Variants in TAF1 observed in about 807,000 individuals in gnomAD.
The protein encoded by TAF1 is TATA-box binding protein associated factor 1.
Under a neutral mutation model 138.5 loss-of-function variants are expected in TAF1, and 2 were observed. The observed-to-expected ratio is 0.01, with a 90% CI of 0.01 to 0.05. The LOEUF is 0.05. TAF1 is among the 10% of genes least tolerant of loss of function. TAF1 has a pLI of 1.00. For missense variants in TAF1, 709 were observed against 1,478.0 expected (o/e 0.48, Z 8.53); for synonymous variants, 437 against 503.2 (o/e 0.87, Z 1.76).
chrX:71,522,935 A>C (rs946937234), intron 13 of TAF1, among the ~76,000 whole-genome samples: 2 of 108,278 alleles, frequency 1.8e-5, no homozygotes, highest in African/African-American at 6.7e-5. Context: ...TAATCCCAGC[A>C]CTTTGGGAGG....
At chrX:71,441,512 C>G (rs1459747850) in intron 32 of TAF1, among the ~76,000 whole-genome samples, 2 of 111,031 alleles carry the variant, frequency 1.8e-5, no homozygotes. Context: ...GTTATCAGAT[C>G]AGGGTAATTA....
intron 24 of TAF1, 130 bp downstream of exon 24, chrX:71,398,867 G>T: frequency 1.1e-6 from 1 of 944,709 alleles, no homozygotes; most frequent in Non-Finnish European, 1.4e-6. Flanking sequence ...TTGAATTGAT[G>T]TGACTACTTG....
intron 28 of TAF1, among the ~76,000 whole-genome samples, chrX:71,420,954 C>T (rs2036311637): frequency 8.9e-6 from 1 of 112,877 alleles, no homozygotes; most frequent in Non-Finnish European, 1.9e-5. Flanking sequence ...GAGGCCTGAC[C>T]GCCTGCAGCC....
chrX:71,403,236 C>G (rs1255610305), intron 25 of TAF1, among the ~76,000 whole-genome samples: 2 of 110,661 alleles, frequency 1.8e-5, no homozygotes, highest in Non-Finnish European at 3.8e-5. Flanking sequence ...GCCATGTTGC[C>G]CAGGCTGGTC....
In TAF1 at chrX:71,456,649, C is replaced by CTTTT. The variant is rs776321706; in HGVS notation, c.4939-1552_4939-1549dup. ...ATGGTGGTGGTCAATAATGTATTTTCTTTTTTTTTTTTTTTTTTTTTTTTT... is the reference window on the plus strand; with the variant it reads ...ATGGTGGTGGTCAATAATGTATTTTCTTTTTTTTTTTTTTTTTTTTTTTTTTTTT... On this transcript the variant is annotated intron_variant, in intron 34 of 37. Transcript: ENST00000423759. 5.3e-3 allele frequency among the ~76,000 whole-genome samples: 143 copies of CTTTT among 26,826 alleles called. 39 individuals carry two copies. The highest frequency in any genetic ancestry group is 6.9e-3 in the Non-Finnish European group (108 of 15,748). 23.3% of individuals were successfully genotyped at this position (26,826 alleles called of 115,157 possible).
intron 32 of TAF1, among the ~76,000 whole-genome samples, chrX:71,451,621 C>A (rs1055981394): frequency 6.4e-5 from 7 of 109,676 alleles, no homozygotes; most frequent in African/African-American, 1.7e-4. Context: ...GAGGACCCTG[C>A]GGCCTTCCGC....
At chrX:71,481,344 TATTTA>T (rs1331402154) in intron 13 of TAF1, among the ~76,000 whole-genome samples, 1 of 112,176 alleles carries the variant, frequency 8.9e-6, no homozygotes, top group African/African-American at 3.2e-5. Flanking sequence ...TAAAAAGAGT[TATTTA>T]ATTGTACAAA....
At chrX:71,463,775 G>A (rs988185740) in intron 37 of TAF1, 49 bp from the exon 38 acceptor site, 1 of 1,145,696 alleles carries the variant, frequency 8.7e-7, no homozygotes, top group Non-Finnish European at 1.2e-6. Context: ...GGAATGGTCA[G>A]GTAGAGGATG....
chrX:71,394,029 C>T (rs749928422), intron 21 of TAF1, 38 bp from the exon 22 acceptor site: 2 of 1,148,853 alleles, frequency 1.7e-6, no homozygotes, highest in Non-Finnish European at 2.3e-6. Context: ...AACCATATTT[C>T]TTTAGTTCTT....
At chrX:71,373,065 A>G (rs2033200644) in intron 3 of TAF1, among the ~76,000 whole-genome samples, 1 of 109,377 alleles carries the variant, frequency 9.1e-6, no homozygotes, top group African/African-American at 3.3e-5. Context: ...ACGGGGTTTC[A>G]CAGTGTTAGC....
chrX:71,520,458 T>C (rs1017555701), intron 13 of TAF1, among the ~76,000 whole-genome samples: 3 of 107,918 alleles, frequency 2.8e-5, no homozygotes, highest in Non-Finnish European at 5.8e-5. Flanking sequence ...CGAGGCAGGC[T>C]GATCACTAGG....
intron 13 of TAF1, among the ~76,000 whole-genome samples, chrX:71,506,154 C>A (rs2039620580): frequency 9.2e-6 from 1 of 108,830 alleles, no homozygotes; most frequent in Non-Finnish European, 1.9e-5. Flanking sequence ...GAGCCGAGAC[C>A]ACGCCATTGT....
At chrX:71,529,153 C>A (rs886623734) in intron 14 of TAF1, among the ~76,000 whole-genome samples, 77 of 109,409 alleles carry the variant, frequency 7.0e-4, no homozygotes, top group African/African-American at 1.7e-3. Context: ...CTCACTGCAA[C>A]CTCCGCCTCC....
At chrX:71,441,699 G>T in intron 32 of TAF1, 2 of 289,090 alleles carry the variant, frequency 6.9e-6, no homozygotes, top group Non-Finnish European at 1.3e-5. Flanking sequence ...TTTTTTTCTA[G>T]GGTACATGTG....
At chrX:71,520,600 G>A (rs1201146431) in intron 13 of TAF1, among the ~76,000 whole-genome samples, 1 of 62,608 alleles carries the variant, frequency 1.6e-5, no homozygotes, top group Non-Finnish European at 2.9e-5. Flanking sequence ...CAGGAGAATT[G>A]CCTGAACCTG....
intron 3 of TAF1, among the ~76,000 whole-genome samples, 195 bp downstream of exon 3, chrX:71,368,365 C>T (rs952778397): frequency 1.8e-5 from 2 of 111,756 alleles, no homozygotes; most frequent in African/African-American, 3.3e-5. Context: ...CAGTCTTAAC[C>T]GTATTCATGT....
chrX:71,494,399 G>A lies in TAF1; in HGVS notation c.1366+33596G>A, dbSNP rs981731772. On this transcript the variant is annotated intron_variant and NMD_transcript_variant, in intron 13 of 14. Transcript: ENST00000373775. Reference sequence around the variant, plus strand: ...GATTGTGCCACTGCACTCCAGCCTGGGCAACAGAGTGAGACTCTGTCTCAA... The same window carrying A: ...GATTGTGCCACTGCACTCCAGCCTGAGCAACAGAGTGAGACTCTGTCTCAA... 5.4e-5 allele frequency among the ~76,000 whole-genome samples: 6 copies of A among 110,782 alleles called. No individual in the cohort carries two copies. In the Admixed American group the frequency reaches 5.8e-4, roughly 11 times the overall value.
intron 3 of TAF1, among the ~76,000 whole-genome samples, chrX:71,369,960 C>T (rs1036350201): frequency 9.1e-6 from 1 of 110,024 alleles, no homozygotes; most frequent in Admixed American, 9.6e-5. Context: ...TGTGGTGGCT[C>T]AGGCCTGTAA....
At chrX:71,523,925 T>C (rs2039948348) in intron 13 of TAF1, among the ~76,000 whole-genome samples, 2 of 111,592 alleles carry the variant, frequency 1.8e-5, no homozygotes, top group African/African-American at 6.5e-5. Flanking sequence ...TCACCCTAGA[T>C]ACATTTTAAA....
Sources: gnomAD v4.1 joint callset for allele counts (sites outside exome capture counted in the v4.1 genomes callset) on GRCh38, gnomAD v4.1.1 for gene constraint, MANE v1.5 for transcripts, NCBI Gene and HGNC (gene_info 2026-07-23, HGNC 2026-07-21) for gene names.